MAST2: variants seen among roughly 807,000 people sequenced by gnomAD.
MAST2 encodes the protein microtubule-associated serine/threonine-protein kinase 2.
Under a neutral mutation model 147.4 loss-of-function variants are expected in MAST2, and 70 were observed. The ratio of observed to expected loss-of-function variants is 0.47; its 90% CI spans 0.39 to 0.58. MAST2 has a LOEUF of 0.58. Ranked by LOEUF, MAST2 falls within the 20% of genes least tolerant of loss-of-function variation. MAST2 has a pLI of 0.00. For missense variants in MAST2, 2,080 were observed against 2,302.3 expected (o/e 0.90, Z 1.98); for synonymous variants, 869 against 896.8 (o/e 0.97, Z 0.55).
At chr1:46,007,279 A>C (rs1042737048) in intron 8 of MAST2, among the ~76,000 whole-genome samples, 2 of 152,134 alleles carry the variant, frequency 1.3e-5, no homozygotes, top group Non-Finnish European at 2.9e-5. Flanking sequence ...TAATGCTGGC[A>C]CTGCACCAGG....
intron 3 of MAST2, among the ~76,000 whole-genome samples, chr1:45,871,416 C>T (rs1039882406): frequency 5.3e-5 from 8 of 152,116 alleles, no homozygotes; most frequent in East Asian, 1.9e-4. Flanking sequence ...GTTTAAAAAA[C>T]AACAACAAAA....
Position 45,970,634 on chromosome 1 carries a change from C to CTCCA in MAST2, c.592+11158_592+11161dup, listed in dbSNP as rs916506770. ...AGTGAGCCCAGATCGCACCACTGCA[C>CTCCA]TCCAGCCTGGGCAACAGAGGAAGAC... On this transcript the variant is annotated intron_variant, in intron 5 of 28. Coordinates refer to ENST00000361297, the MANE Select transcript of MAST2 (RefSeq NM_015112.3). Among the ~76,000 whole-genome samples, 8 of 144,580 alleles carry CTCCA rather than the reference C, an allele frequency of 5.5e-5. No individual in the cohort carries two copies. In the Admixed American group the frequency reaches 5.6e-4, roughly 10 times the overall value. The allele number at this position is 144,580 out of a possible 152,430, so 94.9% of individuals were successfully genotyped here. A position where few individuals can be genotyped will look rare whatever the true frequency, so the allele number is the denominator to read the frequency against.
intron 5 of MAST2, among the ~76,000 whole-genome samples, chr1:45,990,240 T>C (rs545110933): frequency 6.6e-6 from 1 of 152,202 alleles, no homozygotes; most frequent in African/African-American, 2.4e-5. Context: ...GCCATTCTAA[T>C]AGGTATGTAT....
chr1:45,864,961 G>A (rs948582743), intron 3 of MAST2: 8 of 356,668 alleles, frequency 2.2e-5, no homozygotes, highest in African/African-American at 1.3e-4. Flanking sequence ...GTATACTTAC[G>A]CTGGACAGAG....
chr1:45,804,334 G>A (rs1644076111), intron 1 of MAST2, among the ~76,000 whole-genome samples: 1 of 152,170 alleles, frequency 6.6e-6, no homozygotes, highest in African/African-American at 2.4e-5. Flanking sequence ...GCGAAAGGAC[G>A]CTGGAATGTG....
At chr1:45,844,758 A>T (rs949293366) in intron 3 of MAST2, among the ~76,000 whole-genome samples, 17 of 152,218 alleles carry the variant, frequency 1.1e-4, no homozygotes, top group East Asian at 5.8e-4. Flanking sequence ...AAAATAAAAA[A>T]TTTTTTTAGA....
chr1:45,953,591 A>G (rs2148876227), intron 4 of MAST2, among the ~76,000 whole-genome samples: 1 of 111,482 alleles, frequency 9.0e-6, no homozygotes, highest in East Asian at 3.2e-4. Context: ...ATTAGAATAA[A>G]GCCTTGAAGG....
At chr1:45,862,161 G>T (rs4660894) in intron 3 of MAST2, among the ~76,000 whole-genome samples, 20 of 152,242 alleles carry the variant, frequency 1.3e-4, no homozygotes, top group African/African-American at 4.8e-4. Flanking sequence ...AGGAAACCAG[G>T]TTGTGGCAGG....
chr1:45,841,334 G>A (rs990416983), intron 3 of MAST2, among the ~76,000 whole-genome samples: 8 of 152,046 alleles, frequency 5.3e-5, no homozygotes, highest in South Asian at 2.1e-4. Context: ...TGAACAAAAT[G>A]TATATATTTT....
chr1:45,946,585 A>T lies in MAST2; in HGVS notation c.501-12801A>T, dbSNP rs75130614. On this transcript the variant is annotated intron_variant, in intron 4 of 28. Coordinates refer to ENST00000361297, the MANE Select transcript of MAST2 (RefSeq NM_015112.3). ...TGTAAGTTGTAACTGTTGCAGGAAC[A>T]TGTAGCAGAGATGTTTAGATTTGGC... Among the ~76,000 whole-genome samples, 14 of 152,250 alleles carry T rather than the reference A, an allele frequency of 9.2e-5. No individual in the cohort carries two copies. In the South Asian group the frequency reaches 2.7e-3, roughly 29 times the overall value.
At position 45,927,306 on chromosome 1, in the gene MAST2, G is replaced by A. The variant is rs763646067; in HGVS notation, c.501-32080G>A. ...ATCTTATCAGGAGATAGAGTTTTGA[G>A]ATCAACCGGTCTGACCACAATTTAT... On this transcript the variant is annotated intron_variant, in intron 4 of 28. Coordinates refer to ENST00000361297, the MANE Select transcript of MAST2 (RefSeq NM_015112.3). Among the ~76,000 whole-genome samples the A allele has an allele frequency of 4.6e-5, 7 of 152,266 alleles. No homozygotes were observed. In the South Asian group the frequency reaches 1.5e-3, roughly 32 times the overall value.
chr1:45,991,351 G>A (rs1293665246), intron 5 of MAST2, among the ~76,000 whole-genome samples: 1 of 152,054 alleles, frequency 6.6e-6, no homozygotes, highest in African/African-American at 2.4e-5. Context: ...CTTCAGTATT[G>A]TATTGGTTGT....
chr1:46,018,044 A>C (rs1242080431), intron 10 of MAST2, among the ~76,000 whole-genome samples: 1 of 152,022 alleles, frequency 6.6e-6, no homozygotes, highest in Non-Finnish European at 1.5e-5. Context: ...GGCCACTTTC[A>C]GTTCCCATCT....
intron 10 of MAST2, among the ~76,000 whole-genome samples, chr1:46,014,315 TCCCTCCC>T (rs1229759044): frequency 4.1e-5 from 5 of 123,444 alleles, no homozygotes; most frequent in African/African-American, 1.2e-4. Context: ...CCTAATGCTA[TCCCTCCC>T]CCCTCCCCCC....
At chr1:45,854,112 G>A (rs989789770) in intron 3 of MAST2, among the ~76,000 whole-genome samples, 1 of 152,076 alleles carries the variant, frequency 6.6e-6, no homozygotes, top group African/African-American at 2.4e-5. Context: ...GCTAAGGTGG[G>A]CAGATCACCT....
chr1:45,946,859 A>G (rs1271634936), intron 4 of MAST2, among the ~76,000 whole-genome samples: 1 of 152,178 alleles, frequency 6.6e-6, no homozygotes, highest in East Asian at 1.9e-4. Flanking sequence ...AGTCTCTGTC[A>G]TAGCAGACCT....
chr1:45,859,802 T>C (rs1645916169), intron 3 of MAST2, among the ~76,000 whole-genome samples: 1 of 152,234 alleles, frequency 6.6e-6, no homozygotes, highest in Admixed American at 6.5e-5. Flanking sequence ...TTTTATCTAG[T>C]CATTGGCTGA....
At chr1:45,922,756 G>T (rs759718198) in intron 4 of MAST2, among the ~76,000 whole-genome samples, 77 of 152,280 alleles carry the variant, frequency 5.1e-4, no homozygotes, top group African/African-American at 1.8e-3. Context: ...CACCAACTCG[G>T]AAGGGGTGGG....
Position 46,035,618 on chromosome 1 carries a change from C to T in MAST2, c.4949C>T (p.Ser1650Phe), listed in dbSNP as rs1298997506. The T allele has an allele frequency of 1.2e-6, 2 of 1,613,848 alleles. No homozygotes were observed. The highest frequency in any genetic ancestry group is 2.7e-5 in the African/African-American group (2 of 74,888). The change falls in exon 29 of 29, where the codon TCT becomes TTT. Residue 1650 changes from serine (S) to phenylalanine (F), a missense_variant. Coordinates refer to ENST00000361297, the MANE Select transcript of MAST2 (RefSeq NM_015112.3). This position sits in a 1 kb window ranked among gnomAD's most constrained non-coding sequence, Gnocchi z 5.5. ...AGTTGCTCTCCTCCCAGCTCCACCT[C>T]TGGGAAGCTGAGCATGTGGTCCTGG... Reference protein sequence around the residue: ...TSSCSPPSSTSGKLSMWSWKS... With the variant: ...TSSCSPPSSTFGKLSMWSWKS...
Sources: gnomAD v4.1 joint callset for allele counts (sites outside exome capture counted in the v4.1 genomes callset) on GRCh38, gnomAD v4.1.1 for gene constraint, Gnocchi (gnomAD v3.1) non-coding constraint, MANE v1.5 for transcripts, NCBI Gene and HGNC (gene_info 2026-07-23, HGNC 2026-07-21) for gene names.